ANKS1B: variants seen among roughly 807,000 people sequenced by gnomAD.
ANKS1B encodes ankyrin repeat and sterile alpha motif domain-containing protein 1B.
Under a neutral mutation model 148.3 loss-of-function variants are expected in ANKS1B, and 36 were observed. That is an observed-to-expected ratio of 0.24 (90% confidence interval 0.19 to 0.32). ANKS1B has a LOEUF of 0.32. ANKS1B is among the 10% of genes least tolerant of loss of function. The pLI is 1.00. For synonymous variants in ANKS1B, 542 were observed against 560.8 expected, an observed-to-expected ratio of 0.97 and a Z score of 0.47; for missense variants, 1,157 against 1,542.6, an observed-to-expected ratio of 0.75 and a Z score of 4.19.
At chr12:99,673,420 CAAAG>C (rs1004367488) in intron 8 of ANKS1B, among the ~76,000 whole-genome samples, 9 of 151,700 alleles carry the variant, frequency 5.9e-5, no homozygotes, top group African/African-American at 1.9e-4. Context: ...ATCCAGAAAA[CAAAG>C]AAAATTTAAA....
At chr12:99,348,489 G>A (rs2091024616) in intron 12 of ANKS1B, among the ~76,000 whole-genome samples, 1 of 151,588 alleles carries the variant, frequency 6.6e-6, no homozygotes, top group South Asian at 2.1e-4. Flanking sequence ...AACTCCAACA[G>A]ATCTAAACTG....
At chr12:99,435,694 A>T (rs552631663) in intron 11 of ANKS1B, among the ~76,000 whole-genome samples, 4 of 152,018 alleles carry the variant, frequency 2.6e-5, no homozygotes, top group Non-Finnish European at 5.9e-5. Flanking sequence ...TACAGAGTGC[A>T]TGTGACAGAA....
At chr12:98,967,432 T>C (rs2099879129) in intron 17 of ANKS1B, among the ~76,000 whole-genome samples, 1 of 152,042 alleles carries the variant, frequency 6.6e-6, no homozygotes, top group Non-Finnish European at 1.5e-5. Context: ...ATTGCCTCCA[T>C]GTATCTTCCT....
At chr12:99,501,288 A>G (rs2096653019) in intron 10 of ANKS1B, among the ~76,000 whole-genome samples, 1 of 151,948 alleles carries the variant, frequency 6.6e-6, no homozygotes, top group Non-Finnish European at 1.5e-5. Context: ...TTCTTTCCCT[A>G]TAGGCTTAAT....
At chr12:98,994,179 G>A (rs2099928227) in intron 17 of ANKS1B, among the ~76,000 whole-genome samples, 2 of 152,048 alleles carry the variant, frequency 1.3e-5, no homozygotes, top group South Asian at 4.1e-4. Flanking sequence ...ATGTATAATG[G>A]AGTTTCCATG....
chr12:99,875,839 C>T (rs2091991900), intron 1 of ANKS1B, among the ~76,000 whole-genome samples: 1 of 152,102 alleles, frequency 6.6e-6, no homozygotes, highest in Admixed American at 6.5e-5. Context: ...CATGTCCTTG[C>T]CTTTTGGAAG....
At chr12:99,526,435 C>CT (rs1344305129) in intron 9 of ANKS1B, among the ~76,000 whole-genome samples, 3 of 152,060 alleles carry the variant, frequency 2.0e-5, no homozygotes, top group Admixed American at 6.6e-5. Context: ...ATTACTCTAT[C>CT]TAAAAAATGC....
intron 14 of ANKS1B, among the ~76,000 whole-genome samples, chr12:99,210,879 C>T (rs2083261354): frequency 6.6e-6 from 1 of 152,178 alleles, no homozygotes; most frequent in South Asian, 2.1e-4. Context: ...TAGCAGTCTC[C>T]CTGGTATACT....
At chr12:99,038,056 A>G (rs1455110872) in intron 17 of ANKS1B, among the ~76,000 whole-genome samples, 1 of 152,188 alleles carries the variant, frequency 6.6e-6, no homozygotes, top group African/African-American at 2.4e-5. Flanking sequence ...TAGCCTTTAC[A>G]TGGGGTACAG....
At chr12:98,944,129 A>G (rs1438777897) in intron 17 of ANKS1B, among the ~76,000 whole-genome samples, 2 of 151,980 alleles carry the variant, frequency 1.3e-5, no homozygotes, top group Non-Finnish European at 2.9e-5. Flanking sequence ...GTGAAACTCC[A>G]TCTCTACTAC....
At chr12:99,718,120 G>T (rs2057628971) in intron 8 of ANKS1B, among the ~76,000 whole-genome samples, 1 of 151,646 alleles carries the variant, frequency 6.6e-6, no homozygotes, top group South Asian at 2.1e-4. Flanking sequence ...AGCCAGGATG[G>T]TCTCGATCTG....
intron 12 of ANKS1B, among the ~76,000 whole-genome samples, chr12:99,274,788 C>T (rs568360737): frequency 6.6e-6 from 1 of 152,258 alleles, no homozygotes; most frequent in African/African-American, 2.4e-5. Flanking sequence ...CTTAAAAATG[C>T]AGTTTCAGTA....
chr12:99,633,435 A>G lies in ANKS1B; in HGVS notation c.1272+21632T>C, dbSNP rs886813315. Among the ~76,000 whole-genome samples the G allele has an allele frequency of 2.8e-4, 43 of 152,274 alleles. 1 individual carries two copies. The highest frequency in any genetic ancestry group is 7.7e-4 in the African/African-American group (32 of 41,560). On this transcript the variant is annotated intron_variant, in intron 9 of 26. Transcript: ENST00000683438. ...TGCTGGGAAAACTGGCTAGCCATATATAGAAAGCTGAAACTGGATCCCTTC... is the reference window on the plus strand; with the variant it reads ...TGCTGGGAAAACTGGCTAGCCATATGTAGAAAGCTGAAACTGGATCCCTTC...
At chr12:99,326,260 A>T (rs2086280492) in intron 12 of ANKS1B, among the ~76,000 whole-genome samples, 1 of 152,062 alleles carries the variant, frequency 6.6e-6, no homozygotes, top group Non-Finnish European at 1.5e-5. Context: ...TGGGATACTC[A>T]AGGCATTTTC....
chr12:99,911,600 T>C (rs1861635118), intron 1 of ANKS1B, among the ~76,000 whole-genome samples: 1 of 152,218 alleles, frequency 6.6e-6, no homozygotes, highest in Admixed American at 6.5e-5. Context: ...TAAAGTTCGA[T>C]ATCACCCATT....
At chr12:99,726,689 A>G (rs2058652582) in intron 8 of ANKS1B, among the ~76,000 whole-genome samples, 1 of 152,212 alleles carries the variant, frequency 6.6e-6, no homozygotes, top group Admixed American at 6.5e-5. Context: ...CAACAAAAAA[A>G]AGAAAATTTC....
intron 4 of ANKS1B, among the ~76,000 whole-genome samples, chr12:99,787,457 C>A (rs1429408227): frequency 1.3e-5 from 2 of 152,124 alleles, no homozygotes; most frequent in African/African-American, 4.8e-5. Context: ...TAAATTACAA[C>A]CTCAGGTATG....
intron 10 of ANKS1B, among the ~76,000 whole-genome samples, chr12:99,478,027 A>G (rs1173979123): frequency 2.6e-5 from 4 of 152,210 alleles, no homozygotes; most frequent in African/African-American, 7.2e-5. Flanking sequence ...AATATTATGC[A>G]ACACTTAAAA....
intron 8 of ANKS1B, among the ~76,000 whole-genome samples, chr12:99,699,559 C>T (rs1027387196): frequency 1.3e-5 from 2 of 152,102 alleles, no homozygotes; most frequent in Non-Finnish European, 2.9e-5. Context: ...AAACAATACC[C>T]TTAATAAATG....
Sources: allele counts gnomAD v4.1 joint callset (sites outside exome capture counted in the v4.1 genomes callset), GRCh38; gene constraint gnomAD v4.1.1; transcripts MANE v1.5; gene names NCBI Gene and HGNC (gene_info 2026-07-23, HGNC 2026-07-21).